The following DDO variants were observed in gnomAD, a reference collection of about 807,000 sequenced individuals.
DDO encodes the protein D-aspartate oxidase.
DDO carries 16 observed loss-of-function variants against 16.8 expected under a neutral mutation model. The observed-to-expected ratio is 0.95, with a 90% CI of 0.65 to 1.45. The LOEUF is 1.45. Ranked by LOEUF, DDO falls within the 40% of genes most tolerant of loss-of-function variation. The probability of loss-of-function intolerance (pLI) is 0.00; values close to 1 mark genes in which losing one functional copy is unlikely to be tolerated. For missense variants in DDO, 429 were observed against 420.3 expected (o/e 1.02, Z -0.18); for synonymous variants, 180 against 167.2 (o/e 1.08, Z -0.59).
At position 110,392,753 on chromosome 6, in the gene DDO, CTT is replaced by C; in HGVS notation, c.*20_*21del. 6.6e-7 allele frequency: 1 copy of C among 1,516,950 alleles called. No individual in the cohort carries two copies. The highest frequency in any genetic ancestry group is 8.8e-7 in the Non-Finnish European group (1 of 1,134,128). 94.0% of individuals were successfully genotyped at this position (1,516,950 alleles called of 1,614,324 possible). On this transcript the variant is annotated 3_prime_UTR_variant, in exon 5 of 5. Coordinates refer to ENST00000368924, the MANE Select transcript of DDO (RefSeq NM_001372108.2). ...GCTTTGATCAACAGTCTCTCAGTCT[CTT>C]TGCTGTCATTTTATGTCATCTACAG...
intron 4 of DDO, among the ~76,000 whole-genome samples, chr6:110,397,247 G>A (rs1157256766): frequency 1.3e-5 from 2 of 152,122 alleles, no homozygotes; most frequent in Non-Finnish European, 2.9e-5. Flanking sequence ...GGTTTTTCAT[G>A]CTACTGTAAA....
At chr6:110,411,021 G>A (rs926109891) in intron 2 of DDO, among the ~76,000 whole-genome samples, 1 of 152,144 alleles carries the variant, frequency 6.6e-6, no homozygotes, top group Non-Finnish European at 1.5e-5. Context: ...GAAAAAAGGA[G>A]TGTTAAGGAA....
chr6:110,406,513 C>T (rs540738212), intron 3 of DDO, among the ~76,000 whole-genome samples: 1 of 152,322 alleles, frequency 6.6e-6, no homozygotes, highest in African/African-American at 2.4e-5. Context: ...CCCAATCTAT[C>T]TCATCATCAA....
At position 110,393,208 on chromosome 6, in the gene DDO, G is replaced by C. The variant is rs1045004237; in HGVS notation, c.593C>G (p.Pro198Arg). Residue 198 changes from proline to arginine, a missense_variant, in exon 5 of 5, where the codon CCT (proline) becomes CGT (arginine). Coordinates refer to ENST00000368924, the MANE Select transcript of DDO (RefSeq NM_001372108.2). The stretch of plus-strand genomic sequence containing the variant: ...AACTTGGAGGACTTGGCCCCTTACA[G>C]GGAAAATCTTTGAGTCTCCTGCAAG... ...RQLAGDSKIF[P>R]VRGQVLQVQA... The C allele has an allele frequency of 6.2e-6, 10 of 1,614,146 alleles. No homozygotes were observed. In the African/African-American group the frequency reaches 1.3e-4, roughly 22 times the overall value.
At chr6:110,410,906 C>T (rs1773833527) in intron 2 of DDO, among the ~76,000 whole-genome samples, 1 of 152,130 alleles carries the variant, frequency 6.6e-6, no homozygotes, top group Admixed American at 6.5e-5. Flanking sequence ...CCTGCAATGC[C>T]AAGGTCGCTG....
chr6:110,391,288 C>CT (rs1366816319), downstream of DDO, among the ~76,000 whole-genome samples: 14 of 151,822 alleles, frequency 9.2e-5, no homozygotes, highest in Admixed American at 8.5e-4. Context: ...ATATAACTTA[C>CT]TGTATCATTT....
intron 4 of DDO, among the ~76,000 whole-genome samples, chr6:110,400,530 C>A (rs755340557): frequency 1.3e-5 from 2 of 152,224 alleles, no homozygotes; most frequent in Non-Finnish European, 2.9e-5. Context: ...ACAGTGACAC[C>A]TCTTCAGGTG....
At chr6:110,393,850 A>G (rs1582469095) in intron 4 of DDO, among the ~76,000 whole-genome samples, 1 of 152,354 alleles carries the variant, frequency 6.6e-6, no homozygotes, top group East Asian at 1.9e-4. Context: ...CACGAGAAGA[A>G]CACAAAATAT....
At chr6:110,408,571 A>G in intron 2 of DDO, 129 bp from the exon 3 acceptor site, 1 of 726,832 alleles carries the variant, frequency 1.4e-6, no homozygotes, top group South Asian at 1.9e-5. Flanking sequence ...GGAGGCAGGG[A>G]GGAACATTAA....
At chr6:110,400,916 A>T (rs1262428173) in intron 4 of DDO, among the ~76,000 whole-genome samples, 1 of 151,578 alleles carries the variant, frequency 6.6e-6, no homozygotes, top group East Asian at 2.0e-4. Context: ...GGGCTCGGGC[A>T]TGTGCCCAGC....
At chr6:110,397,524 C>G (rs1773329451) in intron 4 of DDO, among the ~76,000 whole-genome samples, 2 of 152,128 alleles carry the variant, frequency 1.3e-5, no homozygotes, top group South Asian at 4.1e-4. Context: ...AATCTGCCAG[C>G]CTTGGGATAT....
intron 4 of DDO, among the ~76,000 whole-genome samples, chr6:110,404,320 T>A (rs1773575169): frequency 6.6e-6 from 1 of 152,198 alleles, no homozygotes; most frequent in South Asian, 2.1e-4. Flanking sequence ...AAGGAAATAA[T>A]GAAATTTTTT....
intron 4 of DDO, among the ~76,000 whole-genome samples, chr6:110,397,292 T>C (rs1773322369): frequency 3.3e-5 from 5 of 152,248 alleles, no homozygotes; most frequent in Admixed American, 1.3e-4. Flanking sequence ...TGTGTATTCT[T>C]ATCCTCCATA....
At chr6:110,400,396 G>T (rs919583276) in intron 4 of DDO, among the ~76,000 whole-genome samples, 1 of 144,316 alleles carries the variant, frequency 6.9e-6, no homozygotes, top group African/African-American at 2.6e-5. Flanking sequence ...TCCAGCCCCC[G>T]CAGAGGAGGA....
downstream of DDO, chr6:110,388,830 G>T (rs543374535): frequency 1.0e-6 from 1 of 977,986 alleles, no homozygotes; most frequent in Admixed American, 6.2e-5. Context: ...AATAAAAGAT[G>T]TTCTGAAATA....
intron 4 of DDO, 82 bp downstream of exon 4, chr6:110,404,692 T>C: frequency 1.4e-6 from 2 of 1,480,912 alleles, no homozygotes; most frequent in Non-Finnish European, 1.8e-6. Flanking sequence ...CCAGAGACTT[T>C]TCAGTATGTA....
At chr6:110,402,873 A>C (rs1177370873) in intron 4 of DDO, among the ~76,000 whole-genome samples, 1 of 152,212 alleles carries the variant, frequency 6.6e-6, no homozygotes, top group African/African-American at 2.4e-5. Flanking sequence ...AGGGAGAACA[A>C]CACTCTTAGG....
intron 4 of DDO, among the ~76,000 whole-genome samples, chr6:110,404,012 C>G (rs1773566915): frequency 6.6e-6 from 1 of 152,178 alleles, no homozygotes; most frequent in African/African-American, 2.4e-5. Flanking sequence ...AACATTTACA[C>G]AATAATTCAC....
intron 2 of DDO, among the ~76,000 whole-genome samples, chr6:110,411,670 A>G (rs1345511953): frequency 6.6e-6 from 1 of 152,232 alleles, no homozygotes; most frequent in East Asian, 1.9e-4. Context: ...GGACAAAGCT[A>G]AAAGAATTGG....
Sources: gnomAD v4.1 joint callset for allele counts (sites outside exome capture counted in the v4.1 genomes callset) on GRCh38, gnomAD v4.1.1 for gene constraint, MANE v1.5 for transcripts, NCBI Gene and HGNC (gene_info 2026-07-23, HGNC 2026-07-21) for gene names.